The following GPC1 variants were observed in gnomAD, a reference collection of about 807,000 sequenced individuals.
The protein encoded by GPC1 is glypican-1.
GPC1 carries 26 observed loss-of-function variants against 51.5 expected under a neutral mutation model. The ratio of observed to expected loss-of-function variants is 0.50; its 90% CI spans 0.37 to 0.70. GPC1 has a LOEUF of 0.70. Ranked by LOEUF, GPC1 falls within the 30% of genes least tolerant of loss-of-function variation. GPC1 has a pLI of 0.00. For missense variants in GPC1, 775 were observed against 800.5 expected (o/e 0.97, Z 0.38); for synonymous variants, 380 against 348.3 (o/e 1.09, Z -1.01).
At chr2:240,450,185 A>G (rs1440277895) in intron 1 of GPC1, 5 of 334,556 alleles carry the variant, frequency 1.5e-5, no homozygotes, top group South Asian at 9.6e-5. Flanking sequence ...CAGAAGCTCC[A>G]GCCCACACAC....
Position 240,448,849 on chromosome 2 carries a change from G to T in GPC1, c.167-10181G>T, listed in dbSNP as rs1188602336. Among the ~76,000 whole-genome samples the T allele has an allele frequency of 1.3e-5, 2 of 152,168 alleles. No individual in the cohort carries two copies. The highest frequency in any genetic ancestry group is 4.8e-5 in the African/African-American group (2 of 41,420). On this transcript the variant is annotated intron_variant, in intron 1 of 8. Transcript: ENST00000264039. The surrounding 1 kb of genome is among the most constrained non-coding windows in gnomAD (Gnocchi z 4.5). ...GGCCAGCAATGGGATAGTCAGGCCA[G>T]CGAGGGTGGCCAGGCCTGACCCTAG...
chr2:240,465,680 G>T (rs1333951640), intron 8 of GPC1, 32 bp downstream of exon 8: 1 of 1,599,898 alleles, frequency 6.3e-7, no homozygotes, highest in Non-Finnish European at 8.5e-7. Context: ...GCGGCCAAGG[G>T]GCCAGGGTTG....
rs777041244 is a variant in GPC1, at chr2:240,465,068, G to A, written c.1135-9G>A. The A allele has an allele frequency of 1.8e-5, 29 of 1,599,020 alleles. No individual in the cohort carries two copies. In the South Asian group the frequency reaches 2.6e-4, roughly 14 times the overall value. On this transcript the variant is annotated splice_polypyrimidine_tract_variant and intron_variant, in intron 6 of 8. Coordinates refer to ENST00000264039, the MANE Select transcript of GPC1 (RefSeq NM_002081.3). ...CTGGCAGCCCAGTGGCCTGACTGCT[G>A]CCCCACAGGTCTCCGAAGCCAAGGC...
intron 1 of GPC1, among the ~76,000 whole-genome samples, chr2:240,453,741 G>A (rs1203703218): frequency 4.6e-5 from 7 of 150,582 alleles, no homozygotes; most frequent in Non-Finnish European, 1.0e-4. Context: ...CTGCGCACCC[G>A]CTCCGGCTGC....
chr2:240,461,488 G>A (rs889293466), intron 2 of GPC1, among the ~76,000 whole-genome samples: 1 of 152,118 alleles, frequency 6.6e-6, no homozygotes. Flanking sequence ...GGGTACGGGG[G>A]CTTTTCCCTA....
At chr2:240,437,993 G>T (rs1237745273) in intron 1 of GPC1, among the ~76,000 whole-genome samples, 1 of 152,180 alleles carries the variant, frequency 6.6e-6, no homozygotes, top group Non-Finnish European at 1.5e-5. Flanking sequence ...CTGCTCTTGG[G>T]TTGGGGAATG....
Position 240,449,553 on chromosome 2 carries a change from CA to C in GPC1, c.167-9476del, listed in dbSNP as rs201329403. 68 of 238,646 alleles carry C rather than the reference CA, an allele frequency of 2.8e-4. No individual in the cohort carries two copies. The East Asian group carries it at 7.0e-3, about 25-fold the overall frequency. 14.8% of individuals were successfully genotyped at this position (238,646 alleles called of 1,614,324 possible). A position where few individuals can be genotyped will look rare whatever the true frequency, so the allele number is the denominator to read the frequency against. On this transcript the variant is annotated intron_variant, in intron 1 of 8. Transcript: ENST00000264039. The stretch of plus-strand genomic sequence containing the variant: ...TGTTTGCTTTTTGTGGCAAAATATG[CA>C]TAACAAAATTTGCCAGTTTAACCAT...
intron 1 of GPC1, chr2:240,451,927 T>A (rs544193592): frequency 6.5e-6 from 1 of 152,852 alleles, no homozygotes; most frequent in South Asian, 2.1e-4. Flanking sequence ...AGCAGTCTTA[T>A]GAGTTGCCTG....
In GPC1 at chr2:240,435,928, C is replaced by T. The variant is rs753510735; in HGVS notation, c.10C>T (p.Arg4Trp). The T allele has an allele frequency of 4.1e-5, 51 of 1,259,078 alleles. No homozygotes were observed. The highest frequency in any genetic ancestry group is 9.7e-5 in the East Asian group (3 of 31,080). The allele number at this position is 1,259,078 out of a possible 1,614,324, so 78.0% of individuals were successfully genotyped here. A position where few individuals can be genotyped will look rare whatever the true frequency, so the allele number is the denominator to read the frequency against. The change falls in exon 1 of 9, where the codon CGG becomes TGG. Residue 4 changes from arginine to tryptophan, a missense_variant. Transcript: ENST00000264039. ...CGCCGCCGGCCCCGCCATGGAGCTC[C>T]GGGCCCGAGGCTGGTGGCTGCTATG... Reference protein sequence around the residue: MELRARGWWLLCAA... With the variant: MELWARGWWLLCAA...
chr2:240,452,904 C>T (rs1304046331), intron 1 of GPC1: 1 of 275,080 alleles, frequency 3.6e-6, no homozygotes, highest in Non-Finnish European at 7.3e-6. Flanking sequence ...CCCCCGCTGG[C>T]TTTTCGCCTC....
chr2:240,466,402 C>A lies in GPC1; in HGVS notation c.*112C>A. 1 of 662,624 alleles carries A rather than the reference C, an allele frequency of 1.5e-6. No individual in the cohort carries two copies. 41.0% of individuals were successfully genotyped at this position (662,624 alleles called of 1,614,324 possible). On this transcript the variant is annotated 3_prime_UTR_variant, in exon 9 of 9. Transcript: ENST00000264039. ...GAGGCCTGGGGTGGGACAGGGAGGG[C>A]CGGCGGCTCTGAGCAGGGGCAGGCG...
At chr2:240,449,717 CT>C (rs1296956418) in intron 1 of GPC1, 4 of 409,938 alleles carry the variant, frequency 9.8e-6, no homozygotes, top group African/African-American at 6.2e-5. Context: ...CCCATTTCCC[CT>C]CTCCACCGCC....
Position 240,464,637 on chromosome 2 carries a change from A to C in GPC1, c.905A>C (p.Asp302Ala). The change falls in exon 5 of 9, where the codon GAC becomes GCC. Residue 302 changes from aspartate to alanine, a missense_variant. By Grantham distance (126) the Asp-to-Ala change is moderately radical (BLOSUM62 -2). Transcript: ENST00000264039. ...NLLDSMVLITDKFWGTSGVES... is the reference protein window; with the variant it reads ...NLLDSMVLITAKFWGTSGVES... ...CTAGACTCCATGGTGCTCATCACCG[A>C]CAAGTTCTGGGGTACATCGGGTGTG... The C allele has an allele frequency of 6.2e-7, 1 of 1,611,550 alleles. No individual in the cohort carries two copies.
intron 1 of GPC1, chr2:240,450,462 CTT>C (rs1466881379): frequency 2.5e-6 from 1 of 402,832 alleles, no homozygotes; most frequent in African/African-American, 2.1e-5. Context: ...GCACAGGTCA[CTT>C]TAGCTCTCTA....
chr2:240,456,572 T>A lies in GPC1; in HGVS notation c.167-2458T>A, dbSNP rs750022178. On this transcript the variant is annotated intron_variant, in intron 1 of 8. Transcript: ENST00000264039. ...TGCCACCCCCTCCCCCAGGCACGTTTCCCTCCCACTGCCCAGCCCATTACC... is the reference window on the plus strand; with the variant it reads ...TGCCACCCCCTCCCCCAGGCACGTTACCCTCCCACTGCCCAGCCCATTACC... 43 of 468,684 alleles carry A rather than the reference T, an allele frequency of 9.2e-5. 2 individuals are homozygous for A. The highest frequency in any genetic ancestry group is 6.7e-4 in the South Asian group (43 of 64,326). 29.0% of individuals were successfully genotyped at this position (468,684 alleles called of 1,614,324 possible).
chr2:240,465,354 T>G, intron 7 of GPC1, 119 bp from the exon 8 acceptor site: 1 of 1,342,176 alleles, frequency 7.5e-7, no homozygotes, highest in Non-Finnish European at 1.0e-6. Flanking sequence ...TGGGCTCTGC[T>G]CGGTCCCTGG....
chr2:240,439,254 CA>C (rs1372137181), intron 1 of GPC1, among the ~76,000 whole-genome samples: 2 of 152,212 alleles, frequency 1.3e-5, no homozygotes, highest in Admixed American at 6.5e-5. Context: ...AGGACACCCC[CA>C]GGCCTTCCTG....
At chr2:240,462,986 C>G (rs977691802) in intron 3 of GPC1, among the ~76,000 whole-genome samples, 1 of 152,164 alleles carries the variant, frequency 6.6e-6, no homozygotes, top group South Asian at 2.1e-4. Context: ...TGGTCCCTTG[C>G]GGGGCACGTG....
intron 1 of GPC1, chr2:240,457,558 G>A (rs1253838383): frequency 4.5e-6 from 2 of 445,960 alleles, no homozygotes; most frequent in African/African-American, 2.0e-5. Context: ...GACTTCTCTT[G>A]CAGTAAGCGG....
Sources: gnomAD v4.1 joint callset for allele counts (sites outside exome capture counted in the v4.1 genomes callset) on GRCh38, gnomAD v4.1.1 for gene constraint, Gnocchi (gnomAD v3.1) non-coding constraint, MANE v1.5 for transcripts, NCBI Gene and HGNC (gene_info 2026-07-23, HGNC 2026-07-21) for gene names.